Variants in TENM3 observed in about 807,000 individuals in gnomAD.
TENM3 encodes the protein teneurin transmembrane protein 3, also known as teneurin-3.
A neutral mutation model predicts 255.1 loss-of-function variants in TENM3; 63 were observed. The ratio of observed to expected loss-of-function variants is 0.25; its 90% CI spans 0.20 to 0.30. TENM3 has a LOEUF of 0.30. TENM3 is among the 10% of genes least tolerant of loss of function. The pLI is 1.00. For synonymous variants in TENM3, 1,306 were observed against 1,322.3 expected (o/e 0.99, Z 0.27); for missense variants, 2,929 against 3,461.1 (o/e 0.85, Z 3.86).
chr4:182,329,938 G>A (rs7676951), intron 2 of TENM3, among the ~76,000 whole-genome samples: 12,621 of 152,024 alleles, frequency 0.083, 556 homozygotes, highest in African/African-American at 0.11. Flanking sequence ...GATAAAGAGC[G>A]TTTACAAGGT....
At chr4:182,146,659 A>G (rs1377482444) in intron 1 of TENM3, among the ~76,000 whole-genome samples, 2 of 152,164 alleles carry the variant, frequency 1.3e-5, no homozygotes, top group African/African-American at 4.8e-5. Context: ...TCAAACACAC[A>G]TTTTACATGC....
At chr4:182,091,378 G>A in the TENM3 span, among the ~76,000 whole-genome samples, 10 of 152,332 alleles carry the variant, frequency 6.6e-5, no homozygotes, top group Admixed American at 1.3e-4. Flanking sequence ...CTGAGGTGAC[G>A]TAAATATCAG....
chr4:182,590,538 C>CAAAAAAAAAAAAAAAAAAAAAAAAAAAA (rs34681777), intron 3 of TENM3, among the ~76,000 whole-genome samples: 1 of 79,962 alleles, frequency 1.3e-5, no homozygotes. Context: ...GACCCTGTCT[C>CAAAAAAAAAAAAAAAAAAAAAAAAAAAA]AAAAAAAAAA....
chr4:181,760,391 T>C, the TENM3 span, among the ~76,000 whole-genome samples: 1 of 152,340 alleles, frequency 6.6e-6, no homozygotes, highest in African/African-American at 2.4e-5. Flanking sequence ...AATATTCCCC[T>C]AATTCCCTTT....
At chr4:181,811,915 A>C in the TENM3 span, among the ~76,000 whole-genome samples, 1 of 152,242 alleles carries the variant, frequency 6.6e-6, no homozygotes, top group Admixed American at 6.5e-5. Flanking sequence ...ACTGTGAATT[A>C]CTTGTACATT....
intron 12 of TENM3, among the ~76,000 whole-genome samples, chr4:182,708,538 G>A (rs1758471131): frequency 2.0e-5 from 3 of 152,196 alleles, no homozygotes; most frequent in Admixed American, 1.3e-4. Flanking sequence ...GGTGGCTCAC[G>A]CCTGTAATCC....
At chr4:181,502,490 G>C in the TENM3 span, among the ~76,000 whole-genome samples, 1 of 152,184 alleles carries the variant, frequency 6.6e-6, no homozygotes, top group Admixed American at 6.5e-5. Context: ...CAGGTATTCA[G>C]GTTTCCTAAA....
the TENM3 span, among the ~76,000 whole-genome samples, chr4:181,868,864 T>C: frequency 6.6e-6 from 1 of 152,176 alleles, no homozygotes; most frequent in Non-Finnish European, 1.5e-5. Flanking sequence ...CATTTCCAGT[T>C]ATTTATTCCA....
chr4:181,613,679 G>T, the TENM3 span, among the ~76,000 whole-genome samples: 1 of 152,118 alleles, frequency 6.6e-6, no homozygotes, highest in African/African-American at 2.4e-5. Context: ...TTGTTATGAG[G>T]GTGAAATAAC....
chr4:182,081,063 G>GT, the TENM3 span, among the ~76,000 whole-genome samples: 1 of 152,016 alleles, frequency 6.6e-6, no homozygotes, highest in Admixed American at 6.6e-5. Context: ...ACTTCACTGT[G>GT]CCTCAGCTGT....
chr4:181,798,686 C>T, the TENM3 span, among the ~76,000 whole-genome samples: 2 of 152,030 alleles, frequency 1.3e-5, no homozygotes. Flanking sequence ...TTTTTTATTA[C>T]TTTGACTTTC....
At chr4:182,190,451 A>C (rs1753442456) in intron 1 of TENM3, 1 of 152,162 alleles carries the variant, frequency 6.6e-6, no homozygotes, top group Admixed American at 6.5e-5. Flanking sequence ...CTCCTCATTC[A>C]GTGAGGTTAG....
chr4:182,407,433 C>A (rs17073249), intron 3 of TENM3, among the ~76,000 whole-genome samples: 12,072 of 152,098 alleles, frequency 0.079, 780 homozygotes, highest in East Asian at 0.22. Flanking sequence ...ACCCTTGAAA[C>A]CTCTATAAAG....
At chr4:181,695,596 A>G in the TENM3 span, among the ~76,000 whole-genome samples, 1 of 152,110 alleles carries the variant, frequency 6.6e-6, no homozygotes, top group African/African-American at 2.4e-5. Flanking sequence ...GAATTATCCT[A>G]CTTCCCAAAC....
intron 1 of TENM3, among the ~76,000 whole-genome samples, chr4:182,183,400 G>A (rs1341573534): frequency 2.0e-5 from 3 of 152,104 alleles, no homozygotes; most frequent in African/African-American, 4.8e-5. Context: ...AGGAGCTGGA[G>A]CTGAGGGCCT....
the TENM3 span, among the ~76,000 whole-genome samples, chr4:181,710,155 T>C: frequency 6.6e-6 from 1 of 151,734 alleles, no homozygotes; most frequent in South Asian, 2.1e-4. Context: ...AGAACCTAGA[T>C]AGAAATCAGA....
chr4:181,456,189 ATATGTG>A, the TENM3 span, among the ~76,000 whole-genome samples: 48 of 120,264 alleles, frequency 4.0e-4, no homozygotes, highest in African/African-American at 1.3e-3. Flanking sequence ...GTATATATGT[ATATGTG>A]TATATATATA....
chr4:182,156,647 G>A (rs181813716), intron 1 of TENM3, among the ~76,000 whole-genome samples: 10 of 151,330 alleles, frequency 6.6e-5, no homozygotes, highest in Non-Finnish European at 8.8e-5. Flanking sequence ...AGAGAGAAAC[G>A]TATTAAACCC....
At chr4:182,399,912 G>A (rs1488851944) in intron 3 of TENM3, among the ~76,000 whole-genome samples, 1 of 152,074 alleles carries the variant, frequency 6.6e-6, no homozygotes, top group Non-Finnish European at 1.5e-5. Context: ...CAGAGTCTTG[G>A]TGGTGAAATT....
Sources: gnomAD v4.1 joint callset for allele counts (sites outside exome capture counted in the v4.1 genomes callset) on GRCh38, gnomAD v4.1.1 for gene constraint, MANE v1.5 for transcripts, NCBI Gene and HGNC (gene_info 2026-07-23, HGNC 2026-07-21) for gene names.